NBEA: variants seen among roughly 807,000 people sequenced by gnomAD.
The protein encoded by NBEA is lysosomal-trafficking regulator 2.
A neutral mutation model predicts 343.4 loss-of-function variants in NBEA; 44 were observed. That is an observed-to-expected ratio of 0.13 (90% CI 0.10 to 0.16). The LOEUF is 0.16. Among genes scored for constraint, NBEA ranks in the 10% least tolerant of loss-of-function variants. The probability of loss-of-function intolerance (pLI) is 1.00; values close to 1 mark genes in which losing one functional copy is unlikely to be tolerated. For synonymous variants in NBEA, 1,175 were observed against 1,238.7 expected (o/e 0.95, Z 1.08); for missense variants, 2,555 against 3,631.3 (o/e 0.70, Z 7.62).
intron 41 of NBEA, among the ~76,000 whole-genome samples, chr13:35,502,843 A>G (rs929986921): frequency 2.6e-5 from 4 of 152,136 alleles, no homozygotes; most frequent in African/African-American, 9.7e-5. Flanking sequence ...GCTTCCCTCC[A>G]TAGCTCCAAA....
intron 38 of NBEA, among the ~76,000 whole-genome samples, chr13:35,367,116 G>T (rs1450046982): frequency 1.3e-5 from 2 of 151,002 alleles, no homozygotes; most frequent in Non-Finnish European, 3.0e-5. Flanking sequence ...AAAAATCATA[G>T]AATTTATGCT....
intron 36 of NBEA, 30 bp downstream of exon 36, chr13:35,309,622 G>T: frequency 7.4e-7 from 1 of 1,350,540 alleles, no homozygotes; most frequent in East Asian, 2.5e-5. Flanking sequence ...TAGACAACTA[G>T]TCAGTGTACA....
intron 43 of NBEA, among the ~76,000 whole-genome samples, chr13:35,551,888 C>G (rs988763798): frequency 3.3e-5 from 5 of 152,202 alleles, no homozygotes; most frequent in Admixed American, 3.3e-4. Flanking sequence ...AAGCCTAAAG[C>G]AATCTTTATC....
chr13:35,049,285 A>G (rs1307435108), intron 5 of NBEA, among the ~76,000 whole-genome samples: 1 of 151,822 alleles, frequency 6.6e-6, no homozygotes, highest in Non-Finnish European at 1.5e-5. Flanking sequence ...ACTGTATGCT[A>G]GGCATTGTAA....
At chr13:35,628,476 A>G (rs914562074) in intron 49 of NBEA, among the ~76,000 whole-genome samples, 4 of 152,234 alleles carry the variant, frequency 2.6e-5, no homozygotes, top group African/African-American at 9.6e-5. Flanking sequence ...CTATATCTGT[A>G]TATTTGTTTT....
intron 30 of NBEA, among the ~76,000 whole-genome samples, chr13:35,189,828 C>G (rs2072039801): frequency 6.6e-6 from 1 of 151,948 alleles, no homozygotes; most frequent in Admixed American, 6.6e-5. Flanking sequence ...TTTTTCAGTT[C>G]TTTGGAAAGC....
In NBEA at chr13:35,089,810, A is replaced by T. The variant is rs2064980176; in HGVS notation, c.1572-8487A>T. Among the ~76,000 whole-genome samples, 11 of 149,882 alleles carry T rather than the reference A, an allele frequency of 7.3e-5. 1 individual carries two copies. In the South Asian group the frequency reaches 2.3e-3, roughly 32 times the overall value. ...TCATTCTCAGTAAACTATCACAAGA[A>T]CAAAAAACCAAACACCGCATATTCT... On this transcript the variant is annotated intron_variant, in intron 10 of 58. Coordinates refer to ENST00000379939, the MANE Select transcript of NBEA (RefSeq NM_001385012.1).
intron 38 of NBEA, among the ~76,000 whole-genome samples, chr13:35,369,587 A>G (rs372193529): frequency 4.6e-5 from 7 of 151,826 alleles, no homozygotes; most frequent in Admixed American, 1.3e-4. Flanking sequence ...AGTTTTCCTT[A>G]TAGAGGTTGT....
At chr13:35,433,923 T>C (rs1312709555) in intron 39 of NBEA, among the ~76,000 whole-genome samples, 2 of 152,072 alleles carry the variant, frequency 1.3e-5, no homozygotes, top group Non-Finnish European at 2.9e-5. Context: ...TTTCACCAAT[T>C]AATCCTGAAT....
chr13:35,529,168 G>T, intron 41 of NBEA, among the ~76,000 whole-genome samples: 1 of 152,256 alleles, frequency 6.6e-6, no homozygotes, highest in East Asian at 1.9e-4. Flanking sequence ...GAGGACACAG[G>T]CTCAGACAGG....
intron 33 of NBEA, among the ~76,000 whole-genome samples, chr13:35,220,075 C>T (rs976156696): frequency 6.6e-6 from 1 of 152,130 alleles, no homozygotes; most frequent in African/African-American, 2.4e-5. Context: ...AATTGATAAT[C>T]CTCCACATCG....
intron 17 of NBEA, among the ~76,000 whole-genome samples, chr13:35,132,048 A>G (rs1055316964): frequency 6.6e-6 from 1 of 152,224 alleles, no homozygotes; most frequent in Non-Finnish European, 1.5e-5. Flanking sequence ...CCATGTTCCA[A>G]AAGGATTTCC....
At chr13:35,220,024 A>T (rs907956685) in intron 33 of NBEA, among the ~76,000 whole-genome samples, 3 of 152,174 alleles carry the variant, frequency 2.0e-5, no homozygotes, top group Non-Finnish European at 4.4e-5. Flanking sequence ...GATCATGCTG[A>T]TGCTGCTGGT....
intron 10 of NBEA, among the ~76,000 whole-genome samples, chr13:35,079,764 T>G (rs1363375452): frequency 2.6e-5 from 4 of 152,218 alleles, no homozygotes; most frequent in Non-Finnish European, 5.9e-5. Flanking sequence ...CCACCATGTT[T>G]GTTACATTTT....
chr13:35,007,782 C>T (rs1444557880), intron 1 of NBEA, among the ~76,000 whole-genome samples: 1 of 152,132 alleles, frequency 6.6e-6, no homozygotes, highest in South Asian at 2.1e-4. Context: ...TCTGTGCCAC[C>T]GTGCCCAGCC....
chr13:35,576,582 C>G (rs868009330), intron 45 of NBEA, among the ~76,000 whole-genome samples: 6 of 152,002 alleles, frequency 3.9e-5, no homozygotes, highest in African/African-American at 1.2e-4. Context: ...ATGAGATAAA[C>G]CAAATTCATG....
At chr13:35,220,899 C>T (rs1458737611) in intron 33 of NBEA, among the ~76,000 whole-genome samples, 1 of 151,968 alleles carries the variant, frequency 6.6e-6, no homozygotes, top group East Asian at 1.9e-4. Context: ...ATATCCTTTC[C>T]CCCTATGCCT....
intron 34 of NBEA, among the ~76,000 whole-genome samples, chr13:35,287,161 C>T (rs1185935029): frequency 2.6e-5 from 4 of 152,052 alleles, no homozygotes; most frequent in Non-Finnish European, 4.4e-5. Flanking sequence ...TCATTTTATA[C>T]TGCTAAGCTG....
intron 54 of NBEA, 133 bp downstream of exon 54, chr13:35,655,143 G>T (rs1190762316): frequency 4.5e-6 from 3 of 672,274 alleles, no homozygotes; most frequent in South Asian, 7.2e-5. Context: ...CAAATTAAAT[G>T]TTCACATTGT....
Sources: gnomAD v4.1 joint callset for allele counts (sites outside exome capture counted in the v4.1 genomes callset) on GRCh38, gnomAD v4.1.1 for gene constraint, MANE v1.5 for transcripts, NCBI Gene and HGNC (gene_info 2026-07-23, HGNC 2026-07-21) for gene names.